LAMA4: variants seen among roughly 807,000 people sequenced by gnomAD.
LAMA4 encodes the protein laminin subunit alpha 4, also known as laminin subunit alpha-4.
In LAMA4, 127 loss-of-function variants were observed where a neutral mutation model predicts 207.1. The ratio of observed to expected loss-of-function variants is 0.61; its 90% CI spans 0.53 to 0.71. The LOEUF (loss-of-function observed/expected upper bound fraction) is 0.71. Among genes scored for constraint, LAMA4 ranks in the 30% least tolerant of loss-of-function variants. The probability of loss-of-function intolerance (pLI) is 0.00; values close to 1 mark genes in which losing one functional copy is unlikely to be tolerated. For missense variants in LAMA4, 2,093 were observed against 2,246.5 expected (o/e 0.93, Z 1.38); for synonymous variants, 761 against 816.0 (o/e 0.93, Z 1.15).
intron 4 of LAMA4, 30 bp from the exon 5 acceptor site, chr6:112,201,718 A>G (rs782810778): frequency 1.6e-5 from 24 of 1,548,250 alleles, no homozygotes; most frequent in Middle Eastern, 1.7e-4. Context: ...TTGGAAGTCA[A>G]TTCCATACAT....
At position 112,142,171 on chromosome 6, in the gene LAMA4, G is replaced by A. The variant is rs375497091; in HGVS notation, c.2615C>T (p.Pro872Leu). 18 of 1,613,906 alleles carry A rather than the reference G, an allele frequency of 1.1e-5. No individual in the cohort carries two copies. The highest frequency in any genetic ancestry group is 6.7e-5 in the Admixed American group (4 of 59,992). ...SLYMKPPVKR[P>L]ELTETADQFI... ...CTGATCTGCAGTCTCGGTCAGTTCCGGCCGCTTCACAGGGGGTTTCATGTA... is the reference window on the plus strand; with the variant it reads ...CTGATCTGCAGTCTCGGTCAGTTCCAGCCGCTTCACAGGGGGTTTCATGTA... Residue 872 changes from proline to leucine, a missense_variant, in exon 20 of 39, where the codon CCG becomes CTG. Around this residue, in one of 3 missense-constraint regions of LAMA4, gnomAD observed 1,704 missense variants for 1,788.4 expected, o/e 0.95. Transcript: ENST00000230538.
intron 36 of LAMA4, 124 bp downstream of exon 36, chr6:112,115,739 T>C (rs917604357): frequency 9.5e-7 from 1 of 1,056,326 alleles, no homozygotes; most frequent in African/African-American, 1.6e-5. Flanking sequence ...TTTCATGTTA[T>C]AGCTTTCCTA....
chr6:112,160,787 A>T (rs1412954960), intron 13 of LAMA4, among the ~76,000 whole-genome samples: 9 of 152,226 alleles, frequency 5.9e-5, no homozygotes, highest in African/African-American at 2.2e-4. Flanking sequence ...GAGTGATCTC[A>T]CTTCTTTCTC....
At chr6:112,121,946 CAT>C in intron 32 of LAMA4, 66 bp downstream of exon 32, 4 of 1,395,502 alleles carry the variant, frequency 2.9e-6, no homozygotes, top group Middle Eastern at 1.8e-4. Flanking sequence ...AAAACGATGA[CAT>C]GTGACAAACA....
chr6:112,109,007 G>A lies in LAMA4; in HGVS notation c.*430C>T, dbSNP rs1184408363. 1 of 210,062 alleles carries A rather than the reference G, an allele frequency of 4.8e-6. No homozygotes were observed. The highest frequency in any genetic ancestry group is 9.7e-6 in the Non-Finnish European group (1 of 102,852). 13.0% of individuals were successfully genotyped at this position (210,062 alleles called of 1,614,324 possible). On this transcript the variant is annotated 3_prime_UTR_variant, in exon 39 of 39. Coordinates refer to ENST00000230538, the MANE Select transcript of LAMA4 (RefSeq NM_001105206.3). ...ATTTAGATTATATGTAAGTTAGTAA[G>A]TCTCTTCAAAATAAAGAAAGGTAGT...
intron 13 of LAMA4, among the ~76,000 whole-genome samples, chr6:112,160,365 C>T (rs1780978044): frequency 6.6e-6 from 1 of 152,100 alleles, no homozygotes; most frequent in African/African-American, 2.4e-5. Flanking sequence ...GTCTTGGTAA[C>T]CCCGTTATTC....
At chr6:112,133,023 G>A (rs889950729) in intron 27 of LAMA4, 133 bp from the exon 28 acceptor site, 9 of 991,040 alleles carry the variant, frequency 9.1e-6, no homozygotes, top group Admixed American at 1.9e-5. Context: ...TCTGGTCTAT[G>A]TTGGAATTCA....
chr6:112,188,015 C>T (rs1782797040), intron 7 of LAMA4, among the ~76,000 whole-genome samples: 1 of 152,112 alleles, frequency 6.6e-6, no homozygotes, highest in Non-Finnish European at 1.5e-5. Context: ...GAGGCAGGTC[C>T]CAGTTCCTCA....
intron 2 of LAMA4, among the ~76,000 whole-genome samples, chr6:112,228,296 C>T (rs1785341425): frequency 6.6e-6 from 1 of 152,106 alleles, no homozygotes; most frequent in African/African-American, 2.4e-5. Flanking sequence ...TTATAGTTTG[C>T]TAAAAATTTT....
chr6:112,163,609 G>A (rs965155696), intron 13 of LAMA4, among the ~76,000 whole-genome samples: 11 of 152,194 alleles, frequency 7.2e-5, no homozygotes, highest in Admixed American at 5.2e-4. Flanking sequence ...TGAAGGGGAT[G>A]GAACCCCCTT....
intron 31 of LAMA4, 96 bp from the exon 32 acceptor site, chr6:112,122,297 A>G: frequency 3.2e-6 from 3 of 923,352 alleles, no homozygotes; most frequent in Non-Finnish European, 1.7e-6. Context: ...AAAAAATTAT[A>G]TATTATTTGT....
intron 38 of LAMA4, among the ~76,000 whole-genome samples, chr6:112,112,326 C>T (rs112820399): frequency 9.8e-4 from 149 of 152,194 alleles, no homozygotes; most frequent in African/African-American, 3.4e-3. Context: ...TGGAAAGGCC[C>T]GGAGCAAAGA....
chr6:112,172,592 T>C lies in LAMA4; in HGVS notation c.1551+19A>G. ...CACTGCTGATGCTGAAATGCATTGA[T>C]GGTGAGTGTCCGCTGTACCTCATGG... On this transcript the variant is annotated intron_variant, in intron 12 of 38. Coordinates refer to ENST00000230538, the MANE Select transcript of LAMA4 (RefSeq NM_001105206.3). The C allele has an allele frequency of 1.2e-6, 2 of 1,611,492 alleles. No homozygotes were observed. Among genetic ancestry groups the C allele is most frequent in the South Asian group, 1.1e-5 (1 of 90,992 alleles).
rs782751372 is a variant in LAMA4, at chr6:112,207,062, T to C, written c.381A>G (p.Gln127=). ...GGGGACAGGGGCACGGCTGGCAGAA[T>C]TGGGGTGCTCCCCTGATGGAATCTC... ...YIGDSIRGAP[Q]FCQPCPCPLP... is the part of the protein sequence containing the mutation. The change falls in exon 4 of 39, where the codon CAA becomes CAG. Residue 127 remains glutamine (Q), a synonymous_variant. Coordinates refer to ENST00000230538, the MANE Select transcript of LAMA4 (RefSeq NM_001105206.3). The C allele has an allele frequency of 2.7e-5, 43 of 1,613,840 alleles. 2 individuals are homozygous for C. The South Asian group carries it at 4.3e-4, about 16-fold the overall frequency.
chr6:112,132,791 A>C lies in LAMA4; in HGVS notation c.3796T>G (p.Leu1266Val). 6.2e-7 allele frequency: 1 copy of C among 1,613,248 alleles called. No individual in the cohort carries two copies. Among genetic ancestry groups the C allele is most frequent in the East Asian group, 2.2e-5 (1 of 44,830 alleles). Residue 1266 changes from leucine (L) to valine (V), a missense_variant, in exon 28 of 39, where the codon TTA becomes GTA. Leu to Val is a conservative substitution (Grantham distance 32). Around this residue, in one of 3 missense-constraint regions of LAMA4, gnomAD observed 1,704 missense variants for 1,788.4 expected, o/e 0.95. Coordinates refer to ENST00000230538, the MANE Select transcript of LAMA4 (RefSeq NM_001105206.3). ...GFEGGFNFRTLQPNGLLFYYA... is the reference protein window; with the variant it reads ...GFEGGFNFRTVQPNGLLFYYA... Reference sequence around the variant, plus strand: ...TAGAATAGTAACCCATTTGGTTGTAATGTTCGGAAATTAAAACCTCCTTCA... The same window carrying C: ...TAGAATAGTAACCCATTTGGTTGTACTGTTCGGAAATTAAAACCTCCTTCA...
chr6:112,175,051 C>T (rs1462552373), intron 11 of LAMA4, among the ~76,000 whole-genome samples: 3 of 152,164 alleles, frequency 2.0e-5, no homozygotes, highest in East Asian at 1.9e-4. Flanking sequence ...CTGTTTTATA[C>T]GTTTTTCACC....
intron 22 of LAMA4, 141 bp from the exon 23 acceptor site, chr6:112,140,026 G>T: frequency 1.2e-6 from 1 of 816,348 alleles, no homozygotes; most frequent in Non-Finnish European, 2.1e-6. Context: ...GTGTGTTTAT[G>T]CCAAATCATT....
chr6:112,222,858 G>C (rs1339532955), intron 2 of LAMA4, among the ~76,000 whole-genome samples: 1 of 152,112 alleles, frequency 6.6e-6, no homozygotes, highest in Non-Finnish European at 1.5e-5. Context: ...AGCCCCTACA[G>C]CCGTACAGGT....
intron 28 of LAMA4, among the ~76,000 whole-genome samples, chr6:112,132,104 A>G (rs1779069607): frequency 6.6e-6 from 1 of 152,164 alleles, no homozygotes; most frequent in African/African-American, 2.4e-5. Context: ...TGTGCCAGAA[A>G]CACCTTTGGC....
Sources: gnomAD v4.1 joint callset for allele counts (sites outside exome capture counted in the v4.1 genomes callset) on GRCh38, gnomAD v4.1.1 for gene constraint, gnomAD v4.1.1 regional missense constraint, MANE v1.5 for transcripts, NCBI Gene and HGNC (gene_info 2026-07-23, HGNC 2026-07-21) for gene names.